SDK1: variants seen among roughly 807,000 people sequenced by gnomAD.
SDK1 encodes sidekick cell adhesion molecule 1, also known as protein sidekick-1.
A neutral mutation model predicts 245.5 loss-of-function variants in SDK1; 157 were observed. The ratio of observed to expected loss-of-function variants is 0.64; its 90% CI spans 0.56 to 0.73. The LOEUF (loss-of-function observed/expected upper bound fraction) is 0.73, where lower values mean the gene tolerates loss of function less well. Among genes scored for constraint, SDK1 ranks in the 30% least tolerant of loss-of-function variants. SDK1 has a pLI of 0.00. For synonymous variants in SDK1, 1,647 were observed against 1,278.5 expected (o/e 1.29, Z -6.15); for missense variants, 3,583 against 3,002.3 (o/e 1.19, Z -4.52).
At chr7:3,924,090 CCT>C (rs1779686883) in intron 5 of SDK1, among the ~76,000 whole-genome samples, 1 of 151,506 alleles carries the variant, frequency 6.6e-6, no homozygotes, top group South Asian at 2.1e-4. Context: ...GGCAGAAATT[CCT>C]CTTTTTTTTT....
intron 1 of SDK1, among the ~76,000 whole-genome samples, chr7:3,419,224 A>C (rs1779467466): frequency 6.6e-6 from 1 of 152,250 alleles, no homozygotes; most frequent in South Asian, 2.1e-4. Context: ...TGAAGCTCAC[A>C]GAGCTTAAGG....
chr7:3,587,865 C>T (rs1780741792), intron 1 of SDK1, among the ~76,000 whole-genome samples: 1 of 152,234 alleles, frequency 6.6e-6, no homozygotes, highest in South Asian at 2.1e-4. Flanking sequence ...GGGGCCAGAT[C>T]TTCTCCTGTG....
chr7:3,990,964 G>A (rs1372819639), intron 14 of SDK1, among the ~76,000 whole-genome samples: 2 of 152,194 alleles, frequency 1.3e-5, no homozygotes, highest in African/African-American at 2.4e-5. Flanking sequence ...CTGTTACAGC[G>A]GTGAAGCCAG....
chr7:3,488,308 TC>T (rs1781764793), intron 1 of SDK1, among the ~76,000 whole-genome samples: 1 of 152,212 alleles, frequency 6.6e-6, no homozygotes, highest in Non-Finnish European at 1.5e-5. Flanking sequence ...TTCTTTAACT[TC>T]TTTTTTTGAT....
chr7:3,319,621 A>T (rs1044414887), intron 1 of SDK1, among the ~76,000 whole-genome samples: 1 of 152,078 alleles, frequency 6.6e-6, no homozygotes, highest in African/African-American at 2.4e-5. Flanking sequence ...AGTTTCTGCA[A>T]TTGTATACTG....
intron 1 of SDK1, among the ~76,000 whole-genome samples, chr7:3,502,819 C>G (rs891267130): frequency 2.6e-5 from 4 of 152,128 alleles, no homozygotes; most frequent in African/African-American, 9.7e-5. Flanking sequence ...TAGAAATCAG[C>G]TTCAGCTTTT....
intron 1 of SDK1, among the ~76,000 whole-genome samples, chr7:3,614,062 C>G (rs112412362): frequency 0.014 from 2,188 of 152,244 alleles, 22 homozygotes; most frequent in Middle Eastern, 0.041. Flanking sequence ...ATCTGTACAA[C>G]AAACCCCCAT....
intron 1 of SDK1, among the ~76,000 whole-genome samples, chr7:3,550,655 T>C (rs764643952): frequency 2.0e-5 from 3 of 152,208 alleles, no homozygotes; most frequent in Non-Finnish European, 4.4e-5. Flanking sequence ...TTATATCCAT[T>C]TGACAGATGT....
intron 1 of SDK1, among the ~76,000 whole-genome samples, chr7:3,451,717 C>T (rs1419495231): frequency 1.3e-5 from 2 of 152,166 alleles, no homozygotes; most frequent in Non-Finnish European, 1.5e-5. Flanking sequence ...ACAGTACTGT[C>T]GGCCACCAGG....
intron 1 of SDK1, among the ~76,000 whole-genome samples, chr7:3,514,165 C>T (rs977218749): frequency 1.3e-5 from 2 of 152,120 alleles, no homozygotes; most frequent in Non-Finnish European, 2.9e-5. Flanking sequence ...TTTAGACTGC[C>T]TGTCTCATGG....
At chr7:3,710,489 T>C (rs534033505) in intron 4 of SDK1, among the ~76,000 whole-genome samples, 1 of 152,334 alleles carries the variant, frequency 6.6e-6, no homozygotes, top group Admixed American at 6.5e-5. Flanking sequence ...ATTTCTACTT[T>C]TGATATAGAA....
At chr7:3,810,405 T>C (rs545826263) in intron 4 of SDK1, among the ~76,000 whole-genome samples, 3 of 152,274 alleles carry the variant, frequency 2.0e-5, no homozygotes, top group African/African-American at 7.2e-5. Flanking sequence ...TGCCTAAACC[T>C]GGGCTCTGTA....
chr7:3,351,993 TAAATTTC>T (rs1780672111), intron 1 of SDK1, among the ~76,000 whole-genome samples: 1 of 152,044 alleles, frequency 6.6e-6, no homozygotes, highest in Non-Finnish European at 1.5e-5. Context: ...CAAGTATTGA[TAAATTTC>T]AAATGATTGA....
At position 4,268,822 on chromosome 7, in the gene SDK1, C is replaced by G; in HGVS notation, c.*3438C>G. On this transcript the variant is annotated 3_prime_UTR_variant, in exon 45 of 45. Transcript: ENST00000404826. ...TGAGCCTGCCCGCTGGGACACGTCT[C>G]CTTCCCGCGTCACCTTCTGGTTTAG... The G allele has an allele frequency of 8.9e-7, 1 of 1,128,386 alleles. No individual in the cohort carries two copies. The highest frequency in any genetic ancestry group is 1.2e-6 in the Non-Finnish European group (1 of 805,456). 69.9% of individuals were successfully genotyped at this position (1,128,386 alleles called of 1,614,324 possible).
chr7:4,021,123 G>A (rs1562682151), intron 17 of SDK1, among the ~76,000 whole-genome samples: 1 of 152,202 alleles, frequency 6.6e-6, no homozygotes, highest in African/African-American at 2.4e-5. Context: ...TGTGGGAAGG[G>A]CCCTGACCCC....
At chr7:3,686,432 G>A (rs1384708767) in intron 4 of SDK1, among the ~76,000 whole-genome samples, 1 of 152,128 alleles carries the variant, frequency 6.6e-6, no homozygotes, top group African/African-American at 2.4e-5. Flanking sequence ...ATCAGACAGA[G>A]CATATTTGTA....
At chr7:4,024,985 T>C (rs546129263) in intron 17 of SDK1, among the ~76,000 whole-genome samples, 1 of 151,458 alleles carries the variant, frequency 6.6e-6, no homozygotes, top group Non-Finnish European at 1.5e-5. Flanking sequence ...CACTTTGGAC[T>C]GCGGTGCACA....
At chr7:4,010,473 G>T (rs1785854022) in intron 14 of SDK1, among the ~76,000 whole-genome samples, 1 of 152,110 alleles carries the variant, frequency 6.6e-6, no homozygotes, top group Non-Finnish European at 1.5e-5. Context: ...TGGTGTAATG[G>T]GCCTGCCACG....
intron 1 of SDK1, among the ~76,000 whole-genome samples, chr7:3,418,916 A>G (rs1339570424): frequency 6.6e-6 from 1 of 152,194 alleles, no homozygotes. Flanking sequence ...CGTATATGTA[A>G]AAAGAGGGTA....
Sources: gnomAD v4.1 joint callset for allele counts (sites outside exome capture counted in the v4.1 genomes callset) on GRCh38, gnomAD v4.1.1 for gene constraint, MANE v1.5 for transcripts, NCBI Gene and HGNC (gene_info 2026-07-23, HGNC 2026-07-21) for gene names.